Variants in KIF5A observed in about 807,000 individuals in gnomAD.
KIF5A encodes kinesin heavy chain isoform 5A.
A neutral mutation model predicts 141.3 loss-of-function variants in KIF5A; 35 were observed. The observed-to-expected ratio is 0.25, with a 90% CI of 0.19 to 0.33. KIF5A has a LOEUF of 0.33. Ranked by LOEUF, KIF5A falls within the 10% of genes least tolerant of loss-of-function variation. The pLI, the probability that KIF5A is intolerant of heterozygous loss-of-function variation, is 1.00. For synonymous variants in KIF5A, 448 were observed against 500.2 expected (o/e 0.90, Z 1.39); for missense variants, 861 against 1,314.3 (o/e 0.66, Z 5.33).
At chr12:57,552,893 C>G (rs1002870650) in intron 1 of KIF5A, among the ~76,000 whole-genome samples, 3 of 152,076 alleles carry the variant, frequency 2.0e-5, no homozygotes, top group African/African-American at 7.2e-5. Flanking sequence ...GCTTCAGAGT[C>G]CCTTCTGTTC....
In KIF5A at chr12:57,572,320, T is replaced by C; in HGVS notation, c.1569+53T>C. The C allele has an allele frequency of 1.3e-6, 2 of 1,527,386 alleles. No homozygotes were observed. Among genetic ancestry groups the C allele is most frequent in the South Asian group, 2.4e-5 (2 of 83,524 alleles). The allele number at this position is 1,527,386 out of a possible 1,614,324, so 94.6% of individuals were successfully genotyped here. A position where few individuals can be genotyped will look rare whatever the true frequency, so the allele number is the denominator to read the frequency against. ...CTCCCTGACCACAGAACATCTCCCA[T>C]GTCGAGGGGACCTCTGCATCCTTCC... On this transcript the variant is annotated intron_variant, in intron 14 of 28. Coordinates refer to ENST00000455537, the MANE Select transcript of KIF5A (RefSeq NM_004984.4). This position sits in a 1 kb window ranked among gnomAD's most constrained non-coding sequence, Gnocchi z 4.2.
chr12:57,556,478 T>A (rs1881748670), intron 1 of KIF5A, among the ~76,000 whole-genome samples: 1 of 152,100 alleles, frequency 6.6e-6, no homozygotes, highest in African/African-American at 2.4e-5. Context: ...GAGAATCTCT[T>A]CCTTCTTCCC....
chr12:57,567,666 T>G lies in KIF5A; in HGVS notation c.714+48T>G, dbSNP rs1450415940. 4 of 1,491,992 alleles carry G rather than the reference T, an allele frequency of 2.7e-6. No homozygotes were observed. In the South Asian group the frequency reaches 3.8e-5, roughly 14 times the overall value. The allele number at this position is 1,491,992 out of a possible 1,614,324, so 92.4% of individuals were successfully genotyped here. A position where few individuals can be genotyped will look rare whatever the true frequency, so the allele number is the denominator to read the frequency against. ...GGTGGGTGGAAGCCTTGGCTCTTTT[T>G]TTTTTTTTTTTTGAGACAGAGTCTC... On this transcript the variant is annotated intron_variant, in intron 8 of 28. Coordinates refer to ENST00000455537, the MANE Select transcript of KIF5A (RefSeq NM_004984.4).
At chr12:57,562,351 G>T (rs1483436597) in intron 1 of KIF5A, among the ~76,000 whole-genome samples, 1 of 152,202 alleles carries the variant, frequency 6.6e-6, no homozygotes, top group East Asian at 1.9e-4. Flanking sequence ...GCGTAGCTGG[G>T]ATTACAGGTG....
intron 3 of KIF5A, 38 bp from the exon 4 acceptor site, chr12:57,564,070 G>A: frequency 6.9e-7 from 1 of 1,448,100 alleles, no homozygotes; most frequent in Non-Finnish European, 9.7e-7. Flanking sequence ...CATTCTCCCT[G>A]AGCCCCAGCT....
At chr12:57,582,100 C>T (rs1396912010) in intron 26 of KIF5A, 148 bp downstream of exon 26, 4 of 719,020 alleles carry the variant, frequency 5.6e-6, no homozygotes, top group Non-Finnish European at 9.9e-6. Flanking sequence ...TACATATAGC[C>T]AGGTGTGGTG....
At position 57,572,630 on chromosome 12, in the gene KIF5A, T is replaced by C. The variant is rs1307744841; in HGVS notation, c.1620T>C (p.Ser540=). The change falls in exon 15 of 29, where the codon AGT becomes AGC. Residue 540 remains serine, a synonymous_variant. Coordinates refer to ENST00000455537, the MANE Select transcript of KIF5A (RefSeq NM_004984.4). This position sits in a 1 kb window ranked among gnomAD's most constrained non-coding sequence, Gnocchi z 4.2. ...AGTTGCAGCGGCTACAGGAGGTCAGTGGACACCAGCGAAAACGAATTGCTG... is the reference window on the plus strand; with the variant it reads ...AGTTGCAGCGGCTACAGGAGGTCAGCGGACACCAGCGAAAACGAATTGCTG... ...ESELQRLQEV[S]GHQRKRIAEV... is the part of the protein sequence containing the mutation. 7 of 1,614,034 alleles carry C rather than the reference T, an allele frequency of 4.3e-6. No individual in the cohort carries two copies. In the African/African-American group the frequency reaches 8.0e-5, roughly 18 times the overall value.
At chr12:57,574,663 C>A (rs1382542750) in intron 15 of KIF5A, among the ~76,000 whole-genome samples, 2 of 149,770 alleles carry the variant, frequency 1.3e-5, no homozygotes, top group Non-Finnish European at 3.0e-5. Context: ...TTCACTGCAA[C>A]CTCCGCCTCC....
Position 57,578,064 on chromosome 12 carries a change from C to T in KIF5A, c.2417C>T (p.Thr806Met), listed in dbSNP as rs775039195. 7 of 1,613,970 alleles carry T rather than the reference C, an allele frequency of 4.3e-6. No individual in the cohort carries two copies. The highest frequency in any genetic ancestry group is 1.7e-5 in the Admixed American group (1 of 60,012). The change falls in exon 22 of 29, where the codon ACG becomes ATG. Residue 806 changes from threonine (T) to methionine (M), a missense_variant. Transcript: ENST00000455537. Reference protein sequence around the residue: ...NLRKLFVQDVTTRVKKSAEME... With the variant: ...NLRKLFVQDVMTRVKKSAEME... ...CGCAAGCTGTTCGTTCAAGACGTCA[C>T]GACTCGAGTCAAGAAAGTGAGTGCT...
At chr12:57,562,482 C>T (rs141094504) in intron 1 of KIF5A, among the ~76,000 whole-genome samples, 4 of 152,246 alleles carry the variant, frequency 2.6e-5, no homozygotes, top group Admixed American at 2.0e-4. Context: ...TCCCAAAGTG[C>T]TGGGATTACA....
intron 7 of KIF5A, 65 bp downstream of exon 7, chr12:57,567,278 G>A: frequency 2.1e-6 from 3 of 1,398,432 alleles, no homozygotes; most frequent in Non-Finnish European, 3.0e-6. Flanking sequence ...GTCCTCTGGG[G>A]TGGAGGGACT....
At chr12:57,559,187 A>G (rs1881835869) in intron 1 of KIF5A, among the ~76,000 whole-genome samples, 1 of 152,250 alleles carries the variant, frequency 6.6e-6, no homozygotes, top group South Asian at 2.1e-4. Context: ...GACCTTGTAT[A>G]AATATTTTTT....
At position 57,572,889 on chromosome 12, in the gene KIF5A, A is replaced by T. The variant is rs555396473; in HGVS notation, c.1716+163A>T. Among the ~76,000 whole-genome samples the T allele has an allele frequency of 6.6e-6, 1 of 152,150 alleles. No individual in the cohort carries two copies. Among genetic ancestry groups the T allele is most frequent in the East Asian group, 1.9e-4 (1 of 5,200 alleles). On this transcript the variant is annotated intron_variant, in intron 15 of 28. Transcript: ENST00000455537. This position sits in a 1 kb window ranked among gnomAD's most constrained non-coding sequence, Gnocchi z 4.2. ...ACAGGTAGAGGCTTGTATAGACCCA[A>T]TTGAAAAGATACATTCTAGGTTGGG... is the stretch of plus-strand genomic sequence containing the variant.
Position 57,572,481 on chromosome 12 carries a change from G to T in KIF5A, c.1570-99G>T. On this transcript the variant is annotated intron_variant, in intron 14 of 28. Transcript: ENST00000455537. This position sits in a 1 kb window ranked among gnomAD's most constrained non-coding sequence, Gnocchi z 4.2. ...CTGCAGGGCCTGTGTTCTCTTCATA[G>T]CAGCCCTCAGGGTCTTGCATGAAGG... 6.7e-7 allele frequency: 1 copy of T among 1,495,882 alleles called. No individual in the cohort carries two copies. Among genetic ancestry groups the T allele is most frequent in the East Asian group, 2.3e-5 (1 of 43,318 alleles). 92.7% of individuals were successfully genotyped at this position (1,495,882 alleles called of 1,614,324 possible).
chr12:57,563,482 C>G lies in KIF5A; in HGVS notation c.173C>G (p.Thr58Ser). 1 of 1,613,932 alleles carries G rather than the reference C, an allele frequency of 6.2e-7. No homozygotes were observed. The highest frequency in any genetic ancestry group is 8.5e-7 in the Non-Finnish European group (1 of 1,179,846). The change falls in exon 2 of 29, where the codon ACT (threonine) becomes AGT (serine). Residue 58 changes from threonine (T) to serine (S), a missense_variant. By Grantham distance (58) the Thr-to-Ser change is moderately conservative. Transcript: ENST00000455537. Reference protein sequence around the residue: ...VFDRVFPPNTTQEQVYHACAM... With the variant: ...VFDRVFPPNTSQEQVYHACAM... ...GACCGTGTATTCCCCCCAAACACGA[C>G]TCAAGAGCAAGTTTATCATGCATGT...
Position 57,577,734 on chromosome 12 carries a change from G to T in KIF5A, c.2322G>T (p.Glu774Asp), listed in dbSNP as rs1289214173. 6.2e-7 allele frequency: 1 copy of T among 1,614,018 alleles called. No homozygotes were observed. Among genetic ancestry groups the T allele is most frequent in the Admixed American group, 1.7e-5 (1 of 60,010 alleles). The change falls in exon 21 of 29, where the codon GAG becomes GAT. Residue 774 changes from glutamate (E) to aspartate (D), a missense_variant. Glu to Asp is a conservative substitution (Grantham distance 45). Transcript: ENST00000455537. Reference sequence around the variant, plus strand: ...ACAGATTTCTGTACGAGCGACATGAGCAGTCCAAGCAGGACCTCAAGGGTC... The same window carrying T: ...ACAGATTTCTGTACGAGCGACATGATCAGTCCAAGCAGGACCTCAAGGGTC... ...QELTFLYERHEQSKQDLKGLE... is the reference protein window; with the variant it reads ...QELTFLYERHDQSKQDLKGLE...
Position 57,550,417 on chromosome 12 carries a change from A to T in KIF5A, c.129+17A>T, listed in dbSNP as rs750467987. On this transcript the variant is annotated intron_variant, in intron 1 of 28. Transcript: ENST00000455537. This position sits in a 1 kb window ranked among gnomAD's most constrained non-coding sequence, Gnocchi z 4.6. ...GTTATTGGGGTGAGTGTCGCCCAGG[A>T]GGGAATTCGGGGAGGGGGCAGGTGG... The T allele has an allele frequency of 6.2e-7, 1 of 1,613,646 alleles. No homozygotes were observed. The highest frequency in any genetic ancestry group is 8.5e-7 in the Non-Finnish European group (1 of 1,179,824).
chr12:57,570,157 G>C lies in KIF5A; in HGVS notation c.1288G>C (p.Asp430His). 4 of 1,613,498 alleles carry C rather than the reference G, an allele frequency of 2.5e-6. No homozygotes were observed. The highest frequency in any genetic ancestry group is 3.4e-6 in the Non-Finnish European group (4 of 1,179,912). The change falls in exon 12 of 29, where the codon GAC becomes CAC. Residue 430 changes from aspartate (D) to histidine (H), a missense_variant. Physicochemically the swap from Asp to His is moderately conservative, Grantham distance 81. Around this residue, in one of 5 missense-constraint regions of KIF5A, gnomAD observed 167 missense variants for 192.0 expected, o/e 0.87. Transcript: ENST00000455537. ...CCGCCGTCTCTATAAGCAGCTTGAC[G>C]ACAAGGTGAGGGCGGCCAGGCAGGG... is the stretch of plus-strand genomic sequence containing the variant. ...EIRRLYKQLD[D>H]KDDEINQQSQ...
chr12:57,575,579 T>C, intron 16 of KIF5A, 61 bp from the exon 17 acceptor site: 1 of 1,354,602 alleles, frequency 7.4e-7, no homozygotes, highest in Non-Finnish European at 1.1e-6. Flanking sequence ...TGGAGATCTG[T>C]GTGGCCTGGG....
Sources: allele counts gnomAD v4.1 joint callset (sites outside exome capture counted in the v4.1 genomes callset), GRCh38; gene constraint gnomAD v4.1.1; regional missense constraint gnomAD v4.1.1; non-coding constraint Gnocchi (gnomAD v3.1); transcripts MANE v1.5; gene names NCBI Gene and HGNC (gene_info 2026-07-23, HGNC 2026-07-21).